ABHD6: variants seen among roughly 807,000 people sequenced by gnomAD.
ABHD6 encodes monoacylglycerol lipase ABHD6.
ABHD6 carries 33 observed loss-of-function variants against 38.8 expected under a neutral mutation model. The observed-to-expected ratio is 0.85, with a 90% confidence interval of 0.64 to 1.14. The LOEUF (loss-of-function observed/expected upper bound fraction) is 1.14. Among genes scored for constraint, ABHD6 ranks in the 50% most tolerant of loss-of-function variants. The pLI is 0.00. For synonymous variants in ABHD6, 147 were observed against 161.6 expected (o/e 0.91, Z 0.69); for missense variants, 380 against 422.6 (o/e 0.90, Z 0.88).
intron 7 of ABHD6, among the ~76,000 whole-genome samples, chr3:58,283,933 G>A (rs2097455118): frequency 6.6e-6 from 1 of 152,224 alleles, no homozygotes; most frequent in Non-Finnish European, 1.5e-5. Context: ...GAATGAGTTA[G>A]AGTCTAGTGA....
At chr3:58,241,034 C>T (rs755331489) in intron 1 of ABHD6, among the ~76,000 whole-genome samples, 1 of 152,094 alleles carries the variant, frequency 6.6e-6, no homozygotes, top group Non-Finnish European at 1.5e-5. Flanking sequence ...CCGGCCAAAC[C>T]TGGATAATTT....
At position 58,267,240 on chromosome 3, in the gene ABHD6, C is replaced by T; in HGVS notation, c.171C>T (p.Asp57=). ...GMQVRYVHHE[D]YQFCYSFRGR... is the part of the protein sequence containing the mutation. Reference sequence around the variant, plus strand: ...AAGTCCGCTATGTTCACCATGAAGACTATCAGTTCTGTTATTCCTTCCGGG... The same window carrying T: ...AAGTCCGCTATGTTCACCATGAAGATTATCAGTTCTGTTATTCCTTCCGGG... The change falls in exon 4 of 10, where the codon GAC becomes GAT. Residue 57 remains aspartate, a synonymous_variant. Transcript: ENST00000478253. This position sits in a 1 kb window ranked among gnomAD's most constrained non-coding sequence, Gnocchi z 4.3. The T allele has an allele frequency of 6.2e-7, 1 of 1,614,202 alleles. No homozygotes were observed. The highest frequency in any genetic ancestry group is 8.5e-7 in the Non-Finnish European group (1 of 1,180,016).
intron 3 of ABHD6, among the ~76,000 whole-genome samples, chr3:58,260,878 T>C (rs947990637): frequency 6.6e-6 from 1 of 152,156 alleles, no homozygotes. Context: ...CAAGAACAGG[T>C]GTCCCCAGTA....
At chr3:58,261,859 G>T (rs1333592159) in intron 3 of ABHD6, among the ~76,000 whole-genome samples, 1 of 152,162 alleles carries the variant, frequency 6.6e-6, no homozygotes, top group East Asian at 1.9e-4. Flanking sequence ...AAATCCCAAA[G>T]AATTGCAAGC....
rs1279740723 is a variant in ABHD6, at chr3:58,285,178, T to C, written c.736+39T>C. The C allele has an allele frequency of 2.5e-6, 4 of 1,594,976 alleles. No individual in the cohort carries two copies. Among genetic ancestry groups the C allele is most frequent in the Non-Finnish European group, 3.4e-6 (4 of 1,162,584 alleles). Reference sequence around the variant, plus strand: ...CTTTCAGCTTGGAGCTTGTTACAAGTGAAGCTCTGTGGATGGATGGCTTTT... The same window carrying C: ...CTTTCAGCTTGGAGCTTGTTACAAGCGAAGCTCTGTGGATGGATGGCTTTT... On this transcript the variant is annotated intron_variant, in intron 8 of 9. Transcript: ENST00000478253. The surrounding 1 kb of genome is among the most constrained non-coding windows in gnomAD (Gnocchi z 4.9).
In ABHD6 at chr3:58,269,160, C is replaced by A. The variant is rs962354985; in HGVS notation, c.277-161C>A. On this transcript the variant is annotated intron_variant, in intron 4 of 9. Transcript: ENST00000478253. This position sits in a 1 kb window ranked among gnomAD's most constrained non-coding sequence, Gnocchi z 4.4. The stretch of plus-strand genomic sequence containing the variant: ...CCTCTGCTCCCGATGAGGCTACTGG[C>A]AATGCTTATTCAATTACTGGGGTAA... Among the ~76,000 whole-genome samples, 2 of 152,204 alleles carry A rather than the reference C, an allele frequency of 1.3e-5. No individual in the cohort carries two copies. The highest frequency in any genetic ancestry group is 2.9e-5 in the Non-Finnish European group (2 of 68,038).
chr3:58,256,088 C>CAG lies in ABHD6; in HGVS notation c.-25-473_-25-472insGA, dbSNP rs1200643842. Among the ~76,000 whole-genome samples, 6 of 80,836 alleles carry CAG rather than the reference C, an allele frequency of 7.4e-5. No individual in the cohort carries two copies. Among genetic ancestry groups the CAG allele is most frequent in the Admixed American group, 6.2e-4 (6 of 9,694 alleles). The allele number at this position is 80,836 out of a possible 152,430, so 53.0% of individuals were successfully genotyped here. Reference sequence around the variant, plus strand: ...TTTTCCTCCCACCAACACACACACACACACACACACACACACACACATACA... The same window carrying CAG: ...TTTTCCTCCCACCAACACACACACACAGACACACACACACACACACACATACA... On this transcript the variant is annotated intron_variant, in intron 2 of 9. Coordinates refer to ENST00000478253, the MANE Select transcript of ABHD6 (RefSeq NM_001320126.2). The surrounding 1 kb of genome is among the most constrained non-coding windows in gnomAD (Gnocchi z 4.3).
intron 7 of ABHD6, among the ~76,000 whole-genome samples, chr3:58,277,399 T>C (rs2097449554): frequency 6.6e-6 from 1 of 152,234 alleles, no homozygotes; most frequent in South Asian, 2.1e-4. Context: ...AGTTCACTCA[T>C]GATCTGGCTC....
Position 58,293,891 on chromosome 3 carries a change from G to A in ABHD6, c.*126G>A, listed in dbSNP as rs757294057. On this transcript the variant is annotated 3_prime_UTR_variant, in exon 10 of 10. Coordinates refer to ENST00000478253, the MANE Select transcript of ABHD6 (RefSeq NM_001320126.2). The surrounding 1 kb of genome is among the most constrained non-coding windows in gnomAD (Gnocchi z 4.4). Reference sequence around the variant, plus strand: ...AGCGCCAGTGACCCTGAGGAAGCCCGTCCCTTATCCCTGGTATCCACGGTT... The same window carrying A: ...AGCGCCAGTGACCCTGAGGAAGCCCATCCCTTATCCCTGGTATCCACGGTT... 7.6e-5 allele frequency: 81 copies of A among 1,066,782 alleles called. 1 individual carries two copies. Among genetic ancestry groups the A allele is most frequent in the Middle Eastern group, 2.8e-4 (1 of 3,602 alleles). 66.1% of individuals were successfully genotyped at this position (1,066,782 alleles called of 1,614,324 possible). A position where few individuals can be genotyped will look rare whatever the true frequency, so the allele number is the denominator to read the frequency against.
intron 9 of ABHD6, among the ~76,000 whole-genome samples, chr3:58,286,850 G>GTATATATATATATATATATATATATATA (rs1221165191): frequency 8.2e-5 from 6 of 72,836 alleles, no homozygotes; most frequent in South Asian, 7.5e-4. Context: ...GTGTGTGTGT[G>GTATATATATATATATATATATATATATA]TGTATATATA....
Position 58,267,254 on chromosome 3 carries a change from A to C in ABHD6, c.185A>C (p.Tyr62Ser), listed in dbSNP as rs973628486. The C allele has an allele frequency of 2.5e-6, 4 of 1,614,056 alleles. No individual in the cohort carries two copies. Among genetic ancestry groups the C allele is most frequent in the African/African-American group, 1.3e-5 (1 of 74,924 alleles). Reference protein sequence around the residue: ...YVHHEDYQFCYSFRGRPGHKP... With the variant: ...YVHHEDYQFCSSFRGRPGHKP... ...CACCATGAAGACTATCAGTTCTGTT[A>C]TTCCTTCCGGGGCAGGCCTGGGCAC... Residue 62 changes from tyrosine (Y) to serine (S), a missense_variant, in exon 4 of 10, where the codon TAT becomes TCT. Tyr to Ser is a moderately radical substitution (Grantham distance 144, BLOSUM62 -2). Coordinates refer to ENST00000478253, the MANE Select transcript of ABHD6 (RefSeq NM_001320126.2). The surrounding 1 kb of genome is among the most constrained non-coding windows in gnomAD (Gnocchi z 4.3).
chr3:58,272,190 T>G (rs1190974334), intron 6 of ABHD6, among the ~76,000 whole-genome samples: 4 of 152,188 alleles, frequency 2.6e-5, no homozygotes, highest in Admixed American at 1.3e-4. Context: ...CAATGACTTT[T>G]TACGTATGCA....
intron 6 of ABHD6, among the ~76,000 whole-genome samples, chr3:58,272,851 T>C (rs2097446016): frequency 6.6e-6 from 1 of 152,222 alleles, no homozygotes; most frequent in Non-Finnish European, 1.5e-5. Context: ...AAATAATTTT[T>C]AATTTACAGA....
In ABHD6 at chr3:58,274,672, A is replaced by G. The variant is rs148033857; in HGVS notation, c.538A>G (p.Thr180Ala). 7.0e-4 allele frequency: 1,129 copies of G among 1,614,076 alleles called. No individual in the cohort carries two copies. Among genetic ancestry groups the G allele is most frequent in the Admixed American group, 1.7e-3 (101 of 59,996 alleles). ...GAATCCCACAGGCCTGCAGTACTCA[A>G]CTGACAATCAATTTGTACAACGGCT... is the stretch of plus-strand genomic sequence containing the variant. ...LVCPAGLQYSTDNQFVQRLKE... is the reference protein window; with the variant it reads ...LVCPAGLQYSADNQFVQRLKE... Residue 180 changes from threonine (T) to alanine (A), a missense_variant, in exon 7 of 10, where the codon ACT (threonine) becomes GCT (alanine). Physicochemically the swap from Thr to Ala is moderately conservative, Grantham distance 58 (BLOSUM62 0). Transcript: ENST00000478253.
In ABHD6 at chr3:58,283,740, T is replaced by C. The variant is rs557781095; in HGVS notation, c.682-1345T>C. Among the ~76,000 whole-genome samples, 3 of 152,236 alleles carry C rather than the reference T, an allele frequency of 2.0e-5. No individual in the cohort carries two copies. The South Asian group carries it at 6.2e-4, about 32-fold the overall frequency. Reference sequence around the variant, plus strand: ...GTTGGATGGATTGATGAATACAGGATAGATAGGTAGACAAATGCATATGTG... The same window carrying C: ...GTTGGATGGATTGATGAATACAGGACAGATAGGTAGACAAATGCATATGTG... On this transcript the variant is annotated intron_variant, in intron 7 of 9. Transcript: ENST00000478253.
intron 1 of ABHD6, among the ~76,000 whole-genome samples, chr3:58,244,083 C>A (rs894611046): frequency 6.6e-6 from 1 of 152,206 alleles, no homozygotes; most frequent in African/African-American, 2.4e-5. Flanking sequence ...CCAGGAGCAT[C>A]CATATTTTGG....
chr3:58,284,421 C>A (rs1040610026), intron 7 of ABHD6, among the ~76,000 whole-genome samples: 1 of 150,872 alleles, frequency 6.6e-6, no homozygotes, highest in Non-Finnish European at 1.5e-5. Flanking sequence ...ATATTACTGG[C>A]GAATTACTTG....
intron 7 of ABHD6, among the ~76,000 whole-genome samples, chr3:58,281,211 C>T (rs932998401): frequency 2.6e-5 from 4 of 152,242 alleles, no homozygotes; most frequent in Admixed American, 6.5e-5. Flanking sequence ...CAGGTGGAGT[C>T]TAGAGGCTGC....
intron 9 of ABHD6, among the ~76,000 whole-genome samples, chr3:58,289,554 A>G (rs2097460026): frequency 6.6e-6 from 1 of 152,028 alleles, no homozygotes; most frequent in African/African-American, 2.4e-5. Context: ...GTTGCGGGGT[A>G]AGGTCACAGA....
Sources: allele counts gnomAD v4.1 joint callset (sites outside exome capture counted in the v4.1 genomes callset), GRCh38; gene constraint gnomAD v4.1.1; non-coding constraint Gnocchi (gnomAD v3.1); transcripts MANE v1.5; gene names NCBI Gene and HGNC (gene_info 2026-07-23, HGNC 2026-07-21).